SGCG: variants seen among roughly 807,000 people sequenced by gnomAD.
SGCG encodes sarcoglycan gamma.
A neutral mutation model predicts 29.3 loss-of-function variants in SGCG; 26 were observed. The ratio of observed to expected loss-of-function variants is 0.89; its 90% CI spans 0.65 to 1.23. The LOEUF is 1.23. SGCG is among the 50% of genes most tolerant of loss of function. The pLI is 0.00. For synonymous variants in SGCG, 145 were observed against 129.7 expected (o/e 1.12, Z -0.80); for missense variants, 353 against 356.0 (o/e 0.99, Z 0.07).
intron 2 of SGCG, among the ~76,000 whole-genome samples, chr13:23,227,460 G>C (rs1242762004): frequency 6.6e-6 from 1 of 152,128 alleles, no homozygotes; most frequent in Non-Finnish European, 1.5e-5. Context: ...TTCTTAAAAA[G>C]TTAACCTTAG....
rs149758064 is a variant in SGCG, at chr13:23,230,593, G to C, written c.196-4018G>C. Among the ~76,000 whole-genome samples, 498 of 152,234 alleles carry C rather than the reference G, an allele frequency of 3.3e-3. 3 individuals are homozygous for C. The highest frequency in any genetic ancestry group is 0.011 in the African/African-American group (468 of 41,544). ...ATTTGGCCCTCAGCTTAGGGGTGCTGTTAATGTATAGGGATGCTACTGATT... is the reference window on the plus strand; with the variant it reads ...ATTTGGCCCTCAGCTTAGGGGTGCTCTTAATGTATAGGGATGCTACTGATT... On this transcript the variant is annotated intron_variant, in intron 2 of 7. Transcript: ENST00000218867.
intron 4 of SGCG, among the ~76,000 whole-genome samples, chr13:23,270,149 C>T (rs948037499): frequency 1.3e-5 from 2 of 152,190 alleles, no homozygotes; most frequent in African/African-American, 4.8e-5. Context: ...GCTGGGATTA[C>T]AGGCGTGAGC....
intron 6 of SGCG, among the ~76,000 whole-genome samples, chr13:23,307,586 T>C (rs543425142): frequency 6.6e-6 from 1 of 152,248 alleles, no homozygotes; most frequent in South Asian, 2.1e-4. Context: ...AGATAGGTTC[T>C]ACAGAACTGT....
chr13:23,310,368 G>A lies in SGCG; in HGVS notation c.579-10269G>A, dbSNP rs540697369. On this transcript the variant is annotated intron_variant, in intron 6 of 7. Coordinates refer to ENST00000218867, the MANE Select transcript of SGCG (RefSeq NM_000231.3). ...CCCAAAGTGCTGGGATTACAGGCGT[G>A]AGCCACCGCGCCGGGCCTGAATTCT... 2.7e-4 allele frequency among the ~76,000 whole-genome samples: 41 copies of A among 152,218 alleles called. No individual in the cohort carries two copies. The Middle Eastern group carries it at 0.01, about 38-fold the overall frequency.
At chr13:23,266,732 C>G (rs1402557624) in intron 4 of SGCG, among the ~76,000 whole-genome samples, 1 of 151,984 alleles carries the variant, frequency 6.6e-6, no homozygotes, top group Non-Finnish European at 1.5e-5. Flanking sequence ...TTTAAATTCT[C>G]TCTTCTCTCT....
chr13:23,211,584 C>A (rs570828173), intron 2 of SGCG, among the ~76,000 whole-genome samples: 2 of 152,228 alleles, frequency 1.3e-5, no homozygotes, highest in African/African-American at 2.4e-5. Flanking sequence ...ATTGGGAAGA[C>A]GAAATGCCTT....
intron 6 of SGCG, among the ~76,000 whole-genome samples, chr13:23,310,078 C>CTTT (rs144258130): frequency 1.6e-5 from 1 of 60,778 alleles, no homozygotes; most frequent in Non-Finnish European, 2.8e-5. Context: ...TTGTTTTTCT[C>CTTT]TTTTTTTTTT....
chr13:23,181,300 G>A (rs1338877322), intron 1 of SGCG, among the ~76,000 whole-genome samples: 2 of 151,944 alleles, frequency 1.3e-5, no homozygotes, highest in African/African-American at 2.4e-5. Flanking sequence ...CATATTTTTA[G>A]CATAATCCTA....
chr13:23,267,132 A>G lies in SGCG; in HGVS notation c.386-12227A>G, dbSNP rs75446426. On this transcript the variant is annotated intron_variant, in intron 4 of 7. Coordinates refer to ENST00000218867, the MANE Select transcript of SGCG (RefSeq NM_000231.3). ...CCAATAAGAAAAATCAATTTTGTTA[A>G]ACTTAAATATGAGACACACCCAGAA... Among the ~76,000 whole-genome samples the G allele has an allele frequency of 4.0e-3, 604 of 152,308 alleles. 7 individuals are homozygous for G. The highest frequency in any genetic ancestry group is 0.014 in the African/African-American group (576 of 41,562).
At chr13:23,267,821 C>T (rs1880697374) in intron 4 of SGCG, 1 of 152,150 alleles carries the variant, frequency 6.6e-6, no homozygotes, top group African/African-American at 2.4e-5. Context: ...AAGATACAGG[C>T]TGCTGCTTTG....
intron 1 of SGCG, among the ~76,000 whole-genome samples, chr13:23,184,138 G>A (rs1462005838): frequency 2.0e-5 from 3 of 152,180 alleles, no homozygotes; most frequent in Non-Finnish European, 4.4e-5. Flanking sequence ...ATGGCCCTGA[G>A]GCCATCTGAA....
intron 3 of SGCG, among the ~76,000 whole-genome samples, chr13:23,235,378 A>C (rs923682385): frequency 4.3e-5 from 5 of 115,012 alleles, no homozygotes; most frequent in Non-Finnish European, 8.4e-5. Context: ...AAGAAAAAAC[A>C]AAAAAAAAAA....
intron 4 of SGCG, among the ~76,000 whole-genome samples, chr13:23,262,270 T>C (rs376183794): frequency 6.6e-6 from 1 of 151,646 alleles, no homozygotes; most frequent in East Asian, 1.9e-4. Flanking sequence ...GCAGACAACA[T>C]GGAAGGATTC....
At chr13:23,170,803 G>A in the SGCG span, among the ~76,000 whole-genome samples, 3 of 152,200 alleles carry the variant, frequency 2.0e-5, no homozygotes, top group Non-Finnish European at 2.9e-5. Flanking sequence ...GAAGTAACCT[G>A]AGAGAGGTAG....
Position 23,203,811 on chromosome 13 carries a change from T to C in SGCG, c.117T>C (p.Phe39=). The C allele has an allele frequency of 6.2e-7, 1 of 1,614,098 alleles. No homozygotes were observed. Among genetic ancestry groups the C allele is most frequent in the Non-Finnish European group, 8.5e-7 (1 of 1,179,932 alleles). The change falls in exon 2 of 8, where the codon TTT becomes TTC. Residue 39 remains phenylalanine, a synonymous_variant. Coordinates refer to ENST00000218867, the MANE Select transcript of SGCG (RefSeq NM_000231.3). The part of the protein sequence containing the change: ...YGWRKRCLYL[F]VLLLLIILVV... Reference sequence around the variant, plus strand: ...GGAGAAAGCGCTGTCTCTACTTGTTTGTTCTTCTTTTACTCATCATCCTCG... The same window carrying C: ...GGAGAAAGCGCTGTCTCTACTTGTTCGTTCTTCTTTTACTCATCATCCTCG...
intron 4 of SGCG, among the ~76,000 whole-genome samples, chr13:23,256,522 T>G (rs1390481811): frequency 6.6e-6 from 1 of 151,372 alleles, no homozygotes; most frequent in Non-Finnish European, 1.5e-5. Context: ...ATGCTGTCCC[T>G]CCCCCATTCC....
intron 1 of SGCG, among the ~76,000 whole-genome samples, chr13:23,182,043 G>A (rs956184302): frequency 4.2e-4 from 64 of 152,188 alleles, no homozygotes; most frequent in African/African-American, 1.5e-3. Context: ...ATGAAAAGTA[G>A]CATTTCAATG....
intron 2 of SGCG, among the ~76,000 whole-genome samples, chr13:23,231,236 A>G (rs1472233052): frequency 6.6e-6 from 1 of 151,860 alleles, no homozygotes; most frequent in East Asian, 1.9e-4. Flanking sequence ...AGGATATAGA[A>G]CTGAAGTTTT....
At chr13:23,175,064 T>C in the SGCG span, among the ~76,000 whole-genome samples, 2 of 152,102 alleles carry the variant, frequency 1.3e-5, no homozygotes. Flanking sequence ...AATAAATATG[T>C]AAGTAGACTG....
Sources: allele counts gnomAD v4.1 joint callset (sites outside exome capture counted in the v4.1 genomes callset), GRCh38; gene constraint gnomAD v4.1.1; transcripts MANE v1.5; gene names NCBI Gene and HGNC (gene_info 2026-07-23, HGNC 2026-07-21).